Variants in WASHC2C observed in about 807,000 individuals in gnomAD.
WASHC2C encodes WASH complex subunit 2C.
WASHC2C carries 73 observed loss-of-function variants against 142.2 expected under a neutral mutation model. That is an observed-to-expected ratio of 0.51 (90% confidence interval 0.43 to 0.62). The LOEUF (loss-of-function observed/expected upper bound fraction) is 0.62. Ranked by LOEUF, WASHC2C falls within the 20% of genes least tolerant of loss-of-function variation. The pLI is 0.00. For synonymous variants in WASHC2C, 337 were observed against 565.5 expected, an observed-to-expected ratio of 0.60 and a Z score of 5.73; for missense variants, 969 against 1,531.7, an observed-to-expected ratio of 0.63 and a Z score of 6.13.
In WASHC2C at chr10:45,752,608, G is replaced by T. The variant is rs782398941; in HGVS notation, c.1024G>T (p.Ala342Ser). Residue 342 changes from alanine to serine, a missense_variant, in exon 12 of 31, where the codon GCA becomes TCA. Physicochemically the swap from Ala to Ser is moderately conservative, Grantham distance 99 (BLOSUM62 1). Transcript: ENST00000623400. Reference protein sequence around the residue: ...PSDDEEDNLFAPPKLTDEDFS... With the variant: ...PSDDEEDNLFSPPKLTDEDFS... The stretch of plus-strand genomic sequence containing the variant: ...GCTAGATGAAGAGGATAACTTATTC[G>T]CACCCCCCAAGCTGACCGACGAGGA... 3.9e-6 allele frequency: 6 copies of T among 1,528,806 alleles called. No individual in the cohort carries two copies. In the South Asian group the frequency reaches 5.7e-5, roughly 14 times the overall value. The allele number at this position is 1,528,806 out of a possible 1,614,324, so 94.7% of individuals were successfully genotyped here.
In WASHC2C at chr10:45,789,427, A is replaced by G; in HGVS notation, c.3644A>G (p.Lys1215Arg). ...EDDLFTDQKVKKNETKSSSQQ... is the reference protein window; with the variant it reads ...EDDLFTDQKVRKNETKSSSQQ... Reference sequence around the variant, plus strand: ...GACCTCTTTACAGATCAGAAAGTCAAGAAGAATGAGACAAAATCCAGTAGT... The same window carrying G: ...GACCTCTTTACAGATCAGAAAGTCAGGAAGAATGAGACAAAATCCAGTAGT... Residue 1215 changes from lysine (K) to arginine (R), a missense_variant, in exon 29 of 31, where the codon AAG (lysine) becomes AGG (arginine). Coordinates refer to ENST00000623400, the MANE Select transcript of WASHC2C (RefSeq NM_001330074.2). The G allele has an allele frequency of 6.2e-7, 1 of 1,612,100 alleles. No individual in the cohort carries two copies. The highest frequency in any genetic ancestry group is 2.2e-5 in the East Asian group (1 of 44,894).
At chr10:45,770,777 C>G (rs1366855079) in intron 20 of WASHC2C, among the ~76,000 whole-genome samples, 1 of 152,156 alleles carries the variant, frequency 6.6e-6, no homozygotes, top group Non-Finnish European at 1.5e-5. Flanking sequence ...TCTGCCAGTT[C>G]CTGTCTGAAT....
chr10:45,770,958 G>A (rs1169375130), intron 20 of WASHC2C, among the ~76,000 whole-genome samples: 2 of 152,150 alleles, frequency 1.3e-5, no homozygotes, highest in Non-Finnish European at 2.9e-5. Context: ...TTGCCAGTTA[G>A]CATCGTGACT....
intron 5 of WASHC2C, among the ~76,000 whole-genome samples, chr10:45,740,714 T>G (rs1461503664): frequency 6.6e-6 from 1 of 152,214 alleles, no homozygotes; most frequent in Non-Finnish European, 1.5e-5. Flanking sequence ...TTGGGTTGTT[T>G]CCGGTTTGGG....
At chr10:45,735,888 T>A (rs1589584938) in intron 3 of WASHC2C, among the ~76,000 whole-genome samples, 1 of 152,162 alleles carries the variant, frequency 6.6e-6, no homozygotes, top group Non-Finnish European at 1.5e-5. Context: ...GTGCATAGAA[T>A]CTGGGAATGA....
At chr10:45,751,137 C>T (rs1312060886) in intron 10 of WASHC2C, among the ~76,000 whole-genome samples, 2 of 151,808 alleles carry the variant, frequency 1.3e-5, no homozygotes, top group African/African-American at 2.4e-5. Context: ...CTTAAGAATT[C>T]CTGGCTGAAT....
rs782646815 is a variant in WASHC2C, at chr10:45,786,657, C to A, written c.2857C>A (p.Arg953=). The stretch of plus-strand genomic sequence containing the variant: ...ATTTAAAACCAAAGAACCATCCACT[C>A]GGATCGGGAAGATACAAGTAATTAA... ...APFKTKEPST[R]IGKIQANLAI... Residue 953 remains arginine (R), a synonymous_variant, in exon 27 of 31, where the codon CGG becomes AGG. Coordinates refer to ENST00000623400, the MANE Select transcript of WASHC2C (RefSeq NM_001330074.2). 6.2e-7 allele frequency: 1 copy of A among 1,611,856 alleles called. No individual in the cohort carries two copies.
intron 7 of WASHC2C, 111 bp from the exon 8 acceptor site, chr10:45,746,489 T>G: frequency 7.7e-7 from 1 of 1,296,240 alleles, no homozygotes. Flanking sequence ...TGTCAGAGCT[T>G]TTTCTCCACT....
At position 45,755,011 on chromosome 10, in the gene WASHC2C, G is replaced by T. The variant is rs1554876569; in HGVS notation, c.1316G>T (p.Arg439Met). ...EPQKPEQPTPRKSPYGPPPTG... is the reference protein window; with the variant it reads ...EPQKPEQPTPMKSPYGPPPTG... ...CAGAAGCCTGAGCAGCCCACTCCAA[G>T]GAAAAGCCCCTATGGTCCCCCTCCC... is the stretch of plus-strand genomic sequence containing the variant. The change falls in exon 15 of 31, where the codon AGG becomes ATG. Residue 439 changes from arginine to methionine, a missense_variant. Transcript: ENST00000623400. 7 of 1,611,926 alleles carry T rather than the reference G, an allele frequency of 4.3e-6. No individual in the cohort carries two copies. Among genetic ancestry groups the T allele is most frequent in the Non-Finnish European group, 5.9e-6 (7 of 1,179,842 alleles).
chr10:45,789,662 G>A (rs2058278170), intron 29 of WASHC2C, among the ~76,000 whole-genome samples, 171 bp downstream of exon 29: 2 of 152,178 alleles, frequency 1.3e-5, no homozygotes, highest in Non-Finnish European at 2.9e-5. Flanking sequence ...ATTCAGAAGT[G>A]GTTTTTTGTT....
intron 2 of WASHC2C, among the ~76,000 whole-genome samples, 188 bp downstream of exon 2, chr10:45,727,727 C>G (rs2597045): frequency 6.9e-6 from 1 of 144,848 alleles, no homozygotes; most frequent in Non-Finnish European, 1.5e-5. Flanking sequence ...AGGGGCAGAC[C>G]CTGACCGTGG....
intron 23 of WASHC2C, among the ~76,000 whole-genome samples, chr10:45,784,293 C>CAAAT (rs1305333868): frequency 1.6e-5 from 1 of 63,660 alleles, no homozygotes; most frequent in Non-Finnish European, 3.1e-5. Context: ...TATATATACA[C>CAAAT]ATATATATAT....
At chr10:45,759,860 G>T (rs1554879431) in intron 17 of WASHC2C, among the ~76,000 whole-genome samples, 1 of 151,568 alleles carries the variant, frequency 6.6e-6, no homozygotes. Flanking sequence ...TGAGAGCACA[G>T]GGGCTTTAGA....
chr10:45,759,946 T>TA (rs1200502543), intron 17 of WASHC2C, among the ~76,000 whole-genome samples: 1 of 149,928 alleles, frequency 6.7e-6, no homozygotes, highest in African/African-American at 2.5e-5. Context: ...TCCTCTCTCT[T>TA]TAGGATGCTC....
At chr10:45,738,950 G>T (rs187944881) in intron 4 of WASHC2C, among the ~76,000 whole-genome samples, 4 of 152,056 alleles carry the variant, frequency 2.6e-5, no homozygotes, top group Non-Finnish European at 5.9e-5. Flanking sequence ...CAAATGATCC[G>T]CCAGCCTTGG....
In WASHC2C at chr10:45,790,428, A is replaced by G. The variant is rs2058331048; in HGVS notation, c.3781A>G (p.Asn1261Asp). The G allele has an allele frequency of 6.2e-7, 1 of 1,610,884 alleles. No individual in the cohort carries two copies. Among genetic ancestry groups the G allele is most frequent in the Non-Finnish European group, 8.5e-7 (1 of 1,179,374 alleles). Residue 1261 changes from asparagine to aspartate, a missense_variant, in exon 30 of 31, where the codon AAT becomes GAT. Physicochemically the swap from Asn to Asp is conservative, Grantham distance 23. Transcript: ENST00000623400. ...AGAGAAGGAGAAAACATTGGAATCTAATTTATTTGATGATAACATTGATAT... is the reference window on the plus strand; with the variant it reads ...AGAGAAGGAGAAAACATTGGAATCTGATTTATTTGATGATAACATTGATAT... ...TREKEKTLES[N>D]LFDDNIDIFA...
chr10:45,780,878 T>G (rs1294299040), intron 23 of WASHC2C, among the ~76,000 whole-genome samples: 1 of 151,656 alleles, frequency 6.6e-6, no homozygotes, highest in Non-Finnish European at 1.5e-5. Flanking sequence ...CTCAGCCTCC[T>G]GAGTAGCTGG....
chr10:45,758,220 C>T (rs1192706736), intron 16 of WASHC2C, among the ~76,000 whole-genome samples: 26 of 152,194 alleles, frequency 1.7e-4, no homozygotes, highest in African/African-American at 6.3e-4. Flanking sequence ...TCCCAAGACA[C>T]ATCAGGTCCA....
At position 45,792,563 on chromosome 10, in the gene WASHC2C, T is replaced by C; in HGVS notation, c.*163T>C. ...GTATTTTTCTGCACTGGTTTAATCA[T>C]GCTTAATACTACAAAACAAAAATAA... On this transcript the variant is annotated 3_prime_UTR_variant, in exon 31 of 31. Transcript: ENST00000623400. 2.0e-6 allele frequency: 2 copies of C among 1,010,618 alleles called. No individual in the cohort carries two copies. Among genetic ancestry groups the C allele is most frequent in the Non-Finnish European group, 2.9e-6 (2 of 694,590 alleles). The allele number at this position is 1,010,618 out of a possible 1,614,324, so 62.6% of individuals were successfully genotyped here.
Sources: allele counts gnomAD v4.1 joint callset (sites outside exome capture counted in the v4.1 genomes callset), GRCh38; gene constraint gnomAD v4.1.1; transcripts MANE v1.5; gene names NCBI Gene and HGNC (gene_info 2026-07-23, HGNC 2026-07-21).